LETM1: variants seen among roughly 807,000 people sequenced by gnomAD.
LETM1 encodes the protein leucine zipper and EF-hand containing transmembrane protein 1.
LETM1 carries 50 observed loss-of-function variants against 74.5 expected under a neutral mutation model. The observed-to-expected ratio is 0.67, with a 90% CI of 0.53 to 0.85. The LOEUF (loss-of-function observed/expected upper bound fraction) is 0.85, where lower values mean the gene tolerates loss of function less well. LETM1 is among the 40% of genes least tolerant of loss of function. LETM1 has a pLI of 0.00. For missense variants in LETM1, 824 were observed against 967.8 expected (o/e 0.85, Z 1.97); for synonymous variants, 446 against 407.1 (o/e 1.10, Z -1.15).
chr4:1,832,019 A>G (rs1215268096), intron 6 of LETM1, among the ~76,000 whole-genome samples: 1 of 152,182 alleles, frequency 6.6e-6, no homozygotes, highest in Non-Finnish European at 1.5e-5. Context: ...AAGAGTAACC[A>G]GCCGGACACA....
chr4:1,814,213 A>T lies in LETM1; in HGVS notation c.*211T>A, dbSNP rs1378699531. On this transcript the variant is annotated 3_prime_UTR_variant, in exon 14 of 14. Transcript: ENST00000302787. ...GGCAGCCACACCACAGTGTGGATCC[A>T]GACACGATTCTGTGGAGGGGTTCCG... The T allele has an allele frequency of 2.3e-5, 18 of 798,862 alleles. No homozygotes were observed. The highest frequency in any genetic ancestry group is 3.3e-5 in the Non-Finnish European group (17 of 513,348). 49.5% of individuals were successfully genotyped at this position (798,862 alleles called of 1,614,324 possible).
chr4:1,844,630 C>G (rs1712815382), intron 2 of LETM1, among the ~76,000 whole-genome samples: 1 of 151,978 alleles, frequency 6.6e-6, no homozygotes, highest in South Asian at 2.1e-4. Context: ...ACTTGGAGGG[C>G]TGAGGCGTGA....
chr4:1,832,832 T>A lies in LETM1; in HGVS notation c.992A>T (p.Lys331Met). ...LTRPQLVALCKLLELQSIGTN... is the reference protein window; with the variant it reads ...LTRPQLVALCMLLELQSIGTN... The stretch of plus-strand genomic sequence containing the variant: ...GCCGATGGACTGTAGCTCCAGCAGC[T>A]TGCACAGGGCCACCAGCTGCGGCCG... The change falls in exon 6 of 14, where the codon AAG becomes ATG. Residue 331 changes from lysine to methionine, a missense_variant. Physicochemically the swap from Lys to Met is moderately conservative, Grantham distance 95. This residue lies in a region of LETM1 where 269 missense variants were observed against 348.8 expected (regional missense o/e 0.77). Coordinates refer to ENST00000302787, the MANE Select transcript of LETM1 (RefSeq NM_012318.3). The A allele has an allele frequency of 6.2e-7, 1 of 1,614,158 alleles. No individual in the cohort carries two copies. The highest frequency in any genetic ancestry group is 8.5e-7 in the Non-Finnish European group (1 of 1,180,030).
intron 4 of LETM1, among the ~76,000 whole-genome samples, chr4:1,835,478 AACAAAC>A (rs1712433481): frequency 1.4e-5 from 2 of 147,954 alleles, no homozygotes; most frequent in African/African-American, 5.3e-5. Context: ...CAAACAAACA[AACAAAC>A]AAAAACAAAC....
At chr4:1,819,284 CA>C in intron 11 of LETM1, 53 bp downstream of exon 11, 3 of 1,550,766 alleles carry the variant, frequency 1.9e-6, no homozygotes. Context: ...GGGGCCAGTA[CA>C]GCGATTTTAC....
At chr4:1,818,324 G>A (rs75060094) in intron 11 of LETM1, among the ~76,000 whole-genome samples, 1,884 of 152,172 alleles carry the variant, frequency 0.012, 46 homozygotes, top group African/African-American at 0.042. Flanking sequence ...TTAAAAAATC[G>A]TATTAGGGGC....
Position 1,834,581 on chromosome 4 carries a change from C to G in LETM1, c.876+264G>C. On this transcript the variant is annotated intron_variant, in intron 5 of 13. Transcript: ENST00000302787. The surrounding 1 kb of genome is among the most constrained non-coding windows in gnomAD (Gnocchi z 5.0). ...TCCTCATGGGTCAGATTCTACTGCT[C>G]CTGGACAGCTGCAGGGTGATGAGAC... 1 of 1,280,904 alleles carries G rather than the reference C, an allele frequency of 7.8e-7. No homozygotes were observed. The highest frequency in any genetic ancestry group is 1.8e-5 in the South Asian group (1 of 55,648). The allele number at this position is 1,280,904 out of a possible 1,614,324, so 79.3% of individuals were successfully genotyped here. A position where few individuals can be genotyped will look rare whatever the true frequency, so the allele number is the denominator to read the frequency against.
In LETM1 at chr4:1,813,863, C is replaced by T. The variant is rs1486698501; in HGVS notation, c.*561G>A. On this transcript the variant is annotated 3_prime_UTR_variant, in exon 14 of 14. Transcript: ENST00000302787. The stretch of plus-strand genomic sequence containing the variant: ...GGGAGACGTCACTCTCCAGAGGCCA[C>T]AGAGATGGCAGACACCTCTGTCTCC... 6.4e-6 allele frequency: 1 copy of T among 156,956 alleles called. No homozygotes were observed. The highest frequency in any genetic ancestry group is 1.4e-5 in the Non-Finnish European group (1 of 70,482). 9.7% of individuals were successfully genotyped at this position (156,956 alleles called of 1,614,324 possible).
In LETM1 at chr4:1,823,643, C is replaced by A; in HGVS notation, c.1332+1G>T. On this transcript the variant is annotated splice_donor_variant, in intron 8 of 13. Transcript: ENST00000302787. LOFTEE classifies it high-confidence loss of function. ...TAAAAGGGGTCTCCGACAGCACGTA[C>A]CACAATCTCTGGGAGGGTCTGCAGT... is the stretch of plus-strand genomic sequence containing the variant. The A allele has an allele frequency of 6.2e-7, 1 of 1,613,656 alleles. No homozygotes were observed. Among genetic ancestry groups the A allele is most frequent in the East Asian group, 2.2e-5 (1 of 44,864 alleles).
At position 1,855,888 on chromosome 4, in the gene LETM1, AGGC is replaced by A. The variant is rs1401379338; in HGVS notation, c.60_62del (p.Pro21del). On this transcript the variant is annotated inframe_deletion, in exon 1 of 14. Coordinates refer to ENST00000302787, the MANE Select transcript of LETM1 (RefSeq NM_012318.3). ...GCTTACCCCGCGGGACGGTGTACCGAGGCGGCGGCGGGAGGCGGGCGGGCGCCC... is the reference window on the plus strand; with the variant it reads ...GCTTACCCCGCGGGACGGTGTACCGAGGCGGCGGGAGGCGGGCGGGCGCCC... The A allele has an allele frequency of 8.1e-7, 1 of 1,238,496 alleles. No individual in the cohort carries two copies. Among genetic ancestry groups the A allele is most frequent in the East Asian group, 3.4e-5 (1 of 29,778 alleles). 76.7% of individuals were successfully genotyped at this position (1,238,496 alleles called of 1,614,324 possible).
At position 1,814,571 on chromosome 4, in the gene LETM1, C is replaced by T. The variant is rs1246056797; in HGVS notation, c.2073G>A (p.Val691=). The change falls in exon 14 of 14, where the codon GTG becomes GTA. Residue 691 remains valine, a splice_region_variant and synonymous_variant. Coordinates refer to ENST00000302787, the MANE Select transcript of LETM1 (RefSeq NM_012318.3). The part of the protein sequence containing the change: ...GKVNIDDLVK[V]IELVDKEDVH... ...CATCTTCTTTGTCCACCAGCTCAATCACCTACACACGTGGGAAAGGGAGAG... is the reference window on the plus strand; with the variant it reads ...CATCTTCTTTGTCCACCAGCTCAATTACCTACACACGTGGGAAAGGGAGAG... 2 of 1,612,844 alleles carry T rather than the reference C, an allele frequency of 1.2e-6. No homozygotes were observed. Among genetic ancestry groups the T allele is most frequent in the Admixed American group, 3.3e-5 (2 of 59,942 alleles).
In LETM1 at chr4:1,823,516, G is replaced by A. The variant is rs111768985; in HGVS notation, c.1332+128C>T. 4.3e-4 allele frequency: 495 copies of A among 1,159,872 alleles called. 2 individuals are homozygous for A. The African/African-American group carries it at 6.8e-3, about 16-fold the overall frequency. 71.8% of individuals were successfully genotyped at this position (1,159,872 alleles called of 1,614,324 possible). A position where few individuals can be genotyped will look rare whatever the true frequency, so the allele number is the denominator to read the frequency against. ...CAGGTGGCTGGGTGGGGGCACTCGC[G>A]AGGGGGTGGGAGGCAGGCTCCTCGC... On this transcript the variant is annotated intron_variant, in intron 8 of 13. Transcript: ENST00000302787.
intron 2 of LETM1, among the ~76,000 whole-genome samples, chr4:1,847,303 T>C (rs964217263): frequency 4.0e-5 from 6 of 151,082 alleles, no homozygotes; most frequent in East Asian, 1.9e-4. Flanking sequence ...ATTGCACCAC[T>C]GCACTCTAGC....
At chr4:1,827,064 T>C in intron 6 of LETM1, among the ~76,000 whole-genome samples, 1 of 152,198 alleles carries the variant, frequency 6.6e-6, no homozygotes, top group Non-Finnish European at 1.5e-5. Context: ...CAGCTCGCCA[T>C]GCCGACCCTC....
chr4:1,834,508 A>G lies in LETM1; in HGVS notation c.876+337T>C. 1 of 1,088,652 alleles carries G rather than the reference A, an allele frequency of 9.2e-7. No homozygotes were observed. Among genetic ancestry groups the G allele is most frequent in the South Asian group, 2.9e-5 (1 of 34,784 alleles). 67.4% of individuals were successfully genotyped at this position (1,088,652 alleles called of 1,614,324 possible). ...CCAGCCAGAGGGCAATGCCCAGCAGAGGAGCCCGGCCAAGCCACCCACACC... is the reference window on the plus strand; with the variant it reads ...CCAGCCAGAGGGCAATGCCCAGCAGGGGAGCCCGGCCAAGCCACCCACACC... On this transcript the variant is annotated intron_variant, in intron 5 of 13. Coordinates refer to ENST00000302787, the MANE Select transcript of LETM1 (RefSeq NM_012318.3). The surrounding 1 kb of genome is among the most constrained non-coding windows in gnomAD (Gnocchi z 5.0).
chr4:1,844,714 C>T (rs1712818681), intron 2 of LETM1, among the ~76,000 whole-genome samples: 1 of 151,326 alleles, frequency 6.6e-6, no homozygotes, highest in Admixed American at 6.6e-5. Flanking sequence ...TGCCACTGCA[C>T]TCCAGCCTAG....
intron 4 of LETM1, among the ~76,000 whole-genome samples, chr4:1,835,807 G>A (rs1023648451): frequency 6.6e-6 from 1 of 152,176 alleles, no homozygotes; most frequent in African/African-American, 2.4e-5. Flanking sequence ...TGAGCTGGAA[G>A]CAGTGGCTCA....
At chr4:1,844,850 C>A (rs1712823101) in intron 2 of LETM1, among the ~76,000 whole-genome samples, 1 of 148,174 alleles carries the variant, frequency 6.7e-6, no homozygotes, top group Non-Finnish European at 1.5e-5. Context: ...GAGTTCGAAC[C>A]CAGCCTGGGC....
intron 2 of LETM1, 22 bp from the exon 3 acceptor site, chr4:1,841,819 A>G (rs756444337): frequency 1.3e-6 from 2 of 1,570,484 alleles, no homozygotes; most frequent in South Asian, 2.2e-5. Context: ...AAGAGTGGAA[A>G]ACAGTAGTAA....
Sources: gnomAD v4.1 joint callset for allele counts (sites outside exome capture counted in the v4.1 genomes callset) on GRCh38, gnomAD v4.1.1 for gene constraint, gnomAD v4.1.1 regional missense constraint, Gnocchi (gnomAD v3.1) non-coding constraint, MANE v1.5 for transcripts, NCBI Gene and HGNC (gene_info 2026-07-23, HGNC 2026-07-21) for gene names.